The following CACNG2 variants were observed in gnomAD, a reference collection of about 807,000 sequenced individuals.
CACNG2 encodes the protein voltage-dependent calcium channel gamma-2 subunit.
CACNG2 carries 3 observed loss-of-function variants against 25.9 expected under a neutral mutation model. That is an observed-to-expected ratio of 0.12 (90% CI 0.05 to 0.30). The LOEUF (loss-of-function observed/expected upper bound fraction) is 0.30. Ranked by LOEUF, CACNG2 falls within the 10% of genes least tolerant of loss-of-function variation. The pLI is 1.00. For synonymous variants in CACNG2, 167 were observed against 173.3 expected (o/e 0.96, Z 0.29); for missense variants, 341 against 432.5 (o/e 0.79, Z 1.88).
chr22:36,598,393 AGATCACCT>A (rs1184432880), intron 1 of CACNG2, among the ~76,000 whole-genome samples: 1 of 152,124 alleles, frequency 6.6e-6, no homozygotes, highest in African/African-American at 2.4e-5. Flanking sequence ...CGAGGTGGGC[AGATCACCT>A]GAGGTCAGGA....
intron 1 of CACNG2, among the ~76,000 whole-genome samples, chr22:36,598,571 T>C (rs1935709606): frequency 6.6e-6 from 1 of 151,226 alleles, no homozygotes; most frequent in African/African-American, 2.4e-5. Context: ...TGAGCCGAGA[T>C]TGTGCCATTG....
intron 1 of CACNG2, among the ~76,000 whole-genome samples, chr22:36,589,531 T>G (rs1935555085): frequency 6.6e-6 from 1 of 152,234 alleles, no homozygotes; most frequent in South Asian, 2.1e-4. Context: ...GAGGAATCTC[T>G]GTAACTCCCT....
intron 2 of CACNG2, among the ~76,000 whole-genome samples, chr22:36,581,617 T>C (rs1422498440): frequency 6.6e-6 from 1 of 152,176 alleles, no homozygotes; most frequent in Non-Finnish European, 1.5e-5. Flanking sequence ...AGACACCTCA[T>C]TGGCCACTCC....
intron 1 of CACNG2, among the ~76,000 whole-genome samples, chr22:36,645,536 CAAAAAAAAAAAAAAA>C (rs200600420): frequency 4.4e-5 from 6 of 134,874 alleles, no homozygotes; most frequent in African/African-American, 1.7e-4. Context: ...GACTCTGTCT[CAAAAAAAAAAAAAAA>C]AAAAAAAAAA....
intron 1 of CACNG2, among the ~76,000 whole-genome samples, chr22:36,624,304 C>A (rs1391782996): frequency 1.3e-5 from 2 of 152,222 alleles, no homozygotes; most frequent in Admixed American, 1.3e-4. Context: ...CAATGGCAGT[C>A]CTTCGCACAG....
At chr22:36,572,419 G>A (rs781528362) in intron 2 of CACNG2, among the ~76,000 whole-genome samples, 8 of 152,182 alleles carry the variant, frequency 5.3e-5, no homozygotes, top group African/African-American at 9.7e-5. Context: ...ACAAATGAAC[G>A]TGGTTGTCTT....
chr22:36,623,716 T>C (rs1415705300), intron 1 of CACNG2, among the ~76,000 whole-genome samples: 3 of 151,706 alleles, frequency 2.0e-5, no homozygotes, highest in Non-Finnish European at 2.9e-5. Flanking sequence ...CTGACAATAA[T>C]GATGATGATG....
chr22:36,595,387 T>G (rs1935664209), intron 1 of CACNG2, among the ~76,000 whole-genome samples: 2 of 152,134 alleles, frequency 1.3e-5, no homozygotes, highest in Admixed American at 6.5e-5. Flanking sequence ...CAGTTTGAAA[T>G]CAGCCGTGGT....
intron 1 of CACNG2, among the ~76,000 whole-genome samples, chr22:36,663,456 G>A (rs145004211): frequency 1.4e-4 from 21 of 152,082 alleles, no homozygotes; most frequent in Admixed American, 9.8e-4. Flanking sequence ...AAGTTCAAGC[G>A]CTCAGCATAC....
chr22:36,565,371 G>C lies in CACNG2; in HGVS notation c.437-485C>G, dbSNP rs566166406. ...TCAAAGCCTTCGCAAGTTAACCTTG[G>C]TTTGAGTTTCCAGATCTGTAGAATG... On this transcript the variant is annotated intron_variant, in intron 3 of 3. Transcript: ENST00000300105. 2.0e-5 allele frequency among the ~76,000 whole-genome samples: 3 copies of C among 152,346 alleles called. No individual in the cohort carries two copies. In the South Asian group the frequency reaches 6.2e-4, roughly 32 times the overall value.
At chr22:36,577,632 G>A (rs1935344952) in intron 2 of CACNG2, among the ~76,000 whole-genome samples, 1 of 144,264 alleles carries the variant, frequency 6.9e-6, no homozygotes, top group Non-Finnish European at 1.5e-5. Context: ...TCTGGCGACA[G>A]AGTGAGACTC....
intron 1 of CACNG2, among the ~76,000 whole-genome samples, chr22:36,635,126 A>G (rs376112028): frequency 5.3e-5 from 8 of 152,202 alleles, no homozygotes; most frequent in African/African-American, 1.9e-4. Flanking sequence ...TACTAAAAAT[A>G]CAAAAAAATT....
chr22:36,638,289 G>T (rs1417649828), intron 1 of CACNG2, among the ~76,000 whole-genome samples: 1 of 152,134 alleles, frequency 6.6e-6, no homozygotes, highest in Non-Finnish European at 1.5e-5. Context: ...ATTGACGCAG[G>T]TCCCTTCCCT....
At chr22:36,654,407 T>C (rs1936674322) in intron 1 of CACNG2, among the ~76,000 whole-genome samples, 1 of 152,086 alleles carries the variant, frequency 6.6e-6, no homozygotes, top group Non-Finnish European at 1.5e-5. Context: ...TTAATTTTTT[T>C]TTTTGGTAGA....
intron 1 of CACNG2, among the ~76,000 whole-genome samples, chr22:36,643,474 G>GTCTATCTATCTA (rs66945856): frequency 8.8e-4 from 131 of 149,242 alleles, no homozygotes; most frequent in African/African-American, 1.7e-3. Context: ...CTATCTGTCT[G>GTCTATCTATCTA]TCTATCTATC....
At chr22:36,570,880 C>G (rs988224167) in intron 2 of CACNG2, among the ~76,000 whole-genome samples, 1 of 151,754 alleles carries the variant, frequency 6.6e-6, no homozygotes, top group Admixed American at 6.6e-5. Flanking sequence ...TAGGAGCAAG[C>G]AGGGACTTCT....
intron 1 of CACNG2, among the ~76,000 whole-genome samples, chr22:36,646,312 G>T (rs1601434130): frequency 1.3e-5 from 2 of 151,872 alleles, no homozygotes; most frequent in Non-Finnish European, 2.9e-5. Flanking sequence ...ATTACGCCTG[G>T]CATACTAAAA....
chr22:36,695,129 T>C (rs1355271225), intron 1 of CACNG2, among the ~76,000 whole-genome samples: 1 of 151,908 alleles, frequency 6.6e-6, no homozygotes, highest in Non-Finnish European at 1.5e-5. Context: ...GGCGGGAGGA[T>C]CACTCGAGCC....
At chr22:36,646,306 C>A (rs564643955) in intron 1 of CACNG2, among the ~76,000 whole-genome samples, 1 of 152,054 alleles carries the variant, frequency 6.6e-6, no homozygotes, top group Non-Finnish European at 1.5e-5. Flanking sequence ...AGTGACATTA[C>A]GCCTGGCATA....
Sources: gnomAD v4.1 joint callset for allele counts (sites outside exome capture counted in the v4.1 genomes callset) on GRCh38, gnomAD v4.1.1 for gene constraint, MANE v1.5 for transcripts, NCBI Gene and HGNC (gene_info 2026-07-23, HGNC 2026-07-21) for gene names.